The following TCF20 variants were observed in gnomAD, a reference collection of about 807,000 sequenced individuals.
The protein encoded by TCF20 is SPRE-binding protein.
TCF20 carries 3 observed loss-of-function variants against 148.6 expected under a neutral mutation model. The observed-to-expected ratio is 0.02, with a 90% CI of 0.01 to 0.05. The LOEUF (loss-of-function observed/expected upper bound fraction) is 0.05. Among genes scored for constraint, TCF20 ranks in the 10% least tolerant of loss-of-function variants. TCF20 has a pLI of 1.00. For synonymous variants in TCF20, 1,049 were observed against 909.5 expected (o/e 1.15, Z -2.76); for missense variants, 2,350 against 2,429.3 (o/e 0.97, Z 0.69).
At chr22:42,248,906 A>C (rs1925135089) in intron 1 of TCF20, among the ~76,000 whole-genome samples, 1 of 152,236 alleles carries the variant, frequency 6.6e-6, no homozygotes, top group Non-Finnish European at 1.5e-5. Context: ...TTAGCTATCA[A>C]CTTGACAGGA....
At chr22:42,243,230 C>T (rs1924595968) in intron 1 of TCF20, among the ~76,000 whole-genome samples, 1 of 136,518 alleles carries the variant, frequency 7.3e-6, no homozygotes, top group African/African-American at 2.7e-5. Flanking sequence ...AATCCAGCAG[C>T]TCAAGGTTAC....
Position 42,213,219 on chromosome 22 carries a change from G to A in TCF20, c.2087C>T (p.Thr696Ile), listed in dbSNP as rs1371784668. Residue 696 changes from threonine to isoleucine, a missense_variant, in exon 2 of 6, where the codon ACT becomes ATT. By Grantham distance (89) the Thr-to-Ile change is moderately conservative (BLOSUM62 -1). Coordinates refer to ENST00000677622, the MANE Select transcript of TCF20 (RefSeq NM_001378418.1). ...ACTTCCAGGAGATTTGCTAGGCTCA[G>A]TTCTGCTCGTAAAACCAGGGCCCGC... ...SAAGPGFTSRTEPSKSPGSLR... is the reference protein window; with the variant it reads ...SAAGPGFTSRIEPSKSPGSLR... 5.6e-6 allele frequency: 9 copies of A among 1,614,148 alleles called. No individual in the cohort carries two copies. The highest frequency in any genetic ancestry group is 6.8e-6 in the Non-Finnish European group (8 of 1,180,038).
intron 1 of TCF20, among the ~76,000 whole-genome samples, chr22:42,316,797 C>T (rs1241621202): frequency 6.6e-6 from 1 of 152,172 alleles, no homozygotes; most frequent in Admixed American, 6.5e-5. Flanking sequence ...CAAGGGCCAT[C>T]GATAGCTCCC....
At chr22:42,296,701 G>A (rs939231471) in intron 1 of TCF20, among the ~76,000 whole-genome samples, 6 of 152,222 alleles carry the variant, frequency 3.9e-5, no homozygotes, top group East Asian at 3.8e-4. Context: ...CAGGCAGTGC[G>A]ACAGGGCCAA....
At chr22:42,268,541 T>C (rs547902967) in intron 1 of TCF20, among the ~76,000 whole-genome samples, 2 of 152,304 alleles carry the variant, frequency 1.3e-5, no homozygotes, top group East Asian at 3.9e-4. Flanking sequence ...TGGCTGGAAA[T>C]TTCAACAGTT....
At chr22:42,300,359 A>G (rs1332058855) in intron 1 of TCF20, among the ~76,000 whole-genome samples, 1 of 152,058 alleles carries the variant, frequency 6.6e-6, no homozygotes, top group Non-Finnish European at 1.5e-5. Context: ...TTGTATGTGA[A>G]AACTTCCCTG....
chr22:42,318,233 T>A (rs573023936), intron 1 of TCF20, among the ~76,000 whole-genome samples: 1 of 152,364 alleles, frequency 6.6e-6, no homozygotes, highest in South Asian at 2.1e-4. Context: ...CATGCTGATG[T>A]CACGCCGAGC....
chr22:42,235,322 T>C (rs1048054509), intron 1 of TCF20, among the ~76,000 whole-genome samples: 2 of 152,190 alleles, frequency 1.3e-5, no homozygotes, highest in African/African-American at 2.4e-5. Flanking sequence ...ACAGTAACCA[T>C]AAAACTTTCC....
chr22:42,283,660 G>A (rs1926961883), intron 1 of TCF20, among the ~76,000 whole-genome samples: 1 of 151,954 alleles, frequency 6.6e-6, no homozygotes, highest in African/African-American at 2.4e-5. Flanking sequence ...AGTAAAGGCC[G>A]CCCGGGAGGC....
Position 42,320,670 on chromosome 22 carries a change from TGTG to T in TCF20, c.-37+22806_-37+22808del, listed in dbSNP as rs1227477457. Among the ~76,000 whole-genome samples, 5 of 152,282 alleles carry T rather than the reference TGTG, an allele frequency of 3.3e-5. No homozygotes were observed. The East Asian group carries it at 9.7e-4, about 29-fold the overall frequency. ...TGCTCAACACGTGTGAGGGGACTGA[TGTG>T]GGGATGAATGCACCTGGCAGTGCAT... On this transcript the variant is annotated intron_variant, in intron 1 of 1. Coordinates refer to the TCF20 transcript ENST00000515426.
In TCF20 at chr22:42,212,059, G is replaced by A; in HGVS notation, c.3247C>T (p.Leu1083=). The change falls in exon 2 of 6, where the codon CTG becomes TTG. Residue 1083 remains leucine, a synonymous_variant. Coordinates refer to ENST00000677622, the MANE Select transcript of TCF20 (RefSeq NM_001378418.1). ...GDPNAGLNSQ[L]HYKRQMYQQQ... ...TGGTACATCTGTCTCTTATAATGCA[G>A]CTGAGAATTCAAACCTGCGTTAGGG... 1 of 1,614,148 alleles carries A rather than the reference G, an allele frequency of 6.2e-7. No individual in the cohort carries two copies. The highest frequency in any genetic ancestry group is 1.1e-5 in the South Asian group (1 of 91,080).
intron 1 of TCF20, among the ~76,000 whole-genome samples, chr22:42,221,427 C>G (rs1922346334): frequency 6.6e-6 from 1 of 152,136 alleles, no homozygotes; most frequent in Admixed American, 6.5e-5. Context: ...TTTGAATGTG[C>G]CATCTGTTTT....
intron 1 of TCF20, among the ~76,000 whole-genome samples, chr22:42,266,442 T>C (rs558825446): frequency 5.2e-4 from 79 of 152,338 alleles, no homozygotes; most frequent in African/African-American, 1.8e-3. Context: ...TGTGATCATT[T>C]CAATTACATT....
chr22:42,325,260 G>A (rs1041061991), intron 1 of TCF20, among the ~76,000 whole-genome samples: 4 of 152,224 alleles, frequency 2.6e-5, no homozygotes, highest in Admixed American at 6.5e-5. Context: ...GCGGGGCCAG[G>A]CAAGGAAATG....
intron 1 of TCF20, among the ~76,000 whole-genome samples, chr22:42,253,310 C>T (rs1162734035): frequency 6.6e-6 from 1 of 152,122 alleles, no homozygotes; most frequent in Non-Finnish European, 1.5e-5. Context: ...GTTGCACTGT[C>T]ACTGGGTTCC....
At chr22:42,173,405 G>A (rs1936254016) in intron 3 of TCF20, among the ~76,000 whole-genome samples, 1 of 152,130 alleles carries the variant, frequency 6.6e-6, no homozygotes, top group Non-Finnish European at 1.5e-5. Flanking sequence ...AGGAGTCACA[G>A]ATCATGAAAC....
In TCF20 at chr22:42,228,807, A is replaced by G. The variant is rs868080219; in HGVS notation, c.-36-13466T>C. 2.9e-4 allele frequency among the ~76,000 whole-genome samples: 44 copies of G among 152,376 alleles called. 1 individual carries two copies. The highest frequency in any genetic ancestry group is 1.3e-3 in the Admixed American group (20 of 15,308). ...GCCAACAGAGTAGATGAGATCACCC[A>G]GAGCAGTTTTTCAAACTGCAGGCTG... is the stretch of plus-strand genomic sequence containing the variant. On this transcript the variant is annotated intron_variant, in intron 1 of 5. Transcript: ENST00000677622.
intron 1 of TCF20, among the ~76,000 whole-genome samples, chr22:42,252,717 G>A (rs1209544078): frequency 2.6e-5 from 4 of 152,136 alleles, no homozygotes; most frequent in South Asian, 2.1e-4. Flanking sequence ...CTCCCAAAAT[G>A]TTGGGATTAC....
chr22:42,210,503 T>G lies in TCF20; in HGVS notation c.4803A>C (p.Ala1601=). 2 of 1,614,224 alleles carry G rather than the reference T, an allele frequency of 1.2e-6. No homozygotes were observed. Among genetic ancestry groups the G allele is most frequent in the South Asian group, 1.1e-5 (1 of 91,086 alleles). ...AQPRKRKTKQ[A]VPIVEPQEPE... ...GTTCTTGGGGTTCCACAATGGGAACTGCTTGTTTGGTTTTTCGCTTCCTCG... is the reference window on the plus strand; with the variant it reads ...GTTCTTGGGGTTCCACAATGGGAACGGCTTGTTTGGTTTTTCGCTTCCTCG... Residue 1601 remains alanine (A), a synonymous_variant, in exon 2 of 6, where the codon GCA becomes GCC. Coordinates refer to ENST00000677622, the MANE Select transcript of TCF20 (RefSeq NM_001378418.1). The surrounding 1 kb of genome is among the most constrained non-coding windows in gnomAD (Gnocchi z 4.7).
Sources: allele counts gnomAD v4.1 joint callset (sites outside exome capture counted in the v4.1 genomes callset), GRCh38; gene constraint gnomAD v4.1.1; non-coding constraint Gnocchi (gnomAD v3.1); transcripts MANE v1.5; gene names NCBI Gene and HGNC (gene_info 2026-07-23, HGNC 2026-07-21).